The following EXOSC1 variants were observed in gnomAD, a reference collection of about 807,000 sequenced individuals.
EXOSC1 encodes the protein exosome component 1, also known as exosome complex component CSL4.
Under a neutral mutation model 31.4 loss-of-function variants are expected in EXOSC1, and 27 were observed. The ratio of observed to expected loss-of-function variants is 0.86; its 90% CI spans 0.63 to 1.18. EXOSC1 has a LOEUF of 1.18. EXOSC1 is among the 50% of genes most tolerant of loss of function. The probability of loss-of-function intolerance (pLI) is 0.00; values close to 1 mark genes in which losing one functional copy is unlikely to be tolerated. For synonymous variants in EXOSC1, 84 were observed against 89.5 expected (o/e 0.94, Z 0.35); for missense variants, 228 against 250.3 (o/e 0.91, Z 0.60).
chr10:97,438,056 A>C (rs1163867554), intron 5 of EXOSC1, among the ~76,000 whole-genome samples: 1 of 151,400 alleles, frequency 6.6e-6, no homozygotes, highest in Non-Finnish European at 1.5e-5. Flanking sequence ...AGTAGCTGGG[A>C]TTATAGGTGC....
intron 2 of EXOSC1, chr10:97,444,606 T>G (rs942375931): frequency 2.0e-5 from 3 of 152,250 alleles, no homozygotes; most frequent in Non-Finnish European, 4.4e-5. Flanking sequence ...CTGTGTCCTT[T>G]GATAGCAGAA....
chr10:97,436,501 G>A lies in EXOSC1; in HGVS notation c.532C>T (p.His178Tyr), dbSNP rs1403894893. 6.2e-7 allele frequency: 1 copy of A among 1,613,310 alleles called. No homozygotes were observed. The highest frequency in any genetic ancestry group is 1.7e-5 in the Admixed American group (1 of 59,814). The change falls in exon 8 of 8, where the codon CAC becomes TAC. Residue 178 changes from histidine (H) to tyrosine (Y), a missense_variant. His to Tyr is a moderately conservative substitution (Grantham distance 83, BLOSUM62 2). Transcript: ENST00000370902. ...GCTACTTTCCGGAATTCTTTAGTGT[G>A]GGTCTTAGGGCACTGCATCTCACAC... is the stretch of plus-strand genomic sequence containing the variant. Reference protein sequence around the residue: ...SWCEMQCPKTHTKEFRKVARV... With the variant: ...SWCEMQCPKTYTKEFRKVARV...
chr10:97,437,400 G>T, intron 6 of EXOSC1, 125 bp from the exon 7 acceptor site: 1 of 730,026 alleles, frequency 1.4e-6, no homozygotes. Flanking sequence ...AACCAGGCTG[G>T]AGTGCGGTGG....
rs145535562 is a variant in EXOSC1, at chr10:97,443,585, C to T, written c.148-274G>A. Among the ~76,000 whole-genome samples the T allele has an allele frequency of 5.7e-3, 862 of 152,246 alleles. 9 individuals carry two copies. Among genetic ancestry groups the T allele is most frequent in the African/African-American group, 0.02 (813 of 41,542 alleles). On this transcript the variant is annotated intron_variant, in intron 2 of 7. Coordinates refer to ENST00000370902, the MANE Select transcript of EXOSC1 (RefSeq NM_016046.5). ...TCGCCTAGACTGGAGTGCAGTGGCA[C>T]GATCTCGGCTCACTGCAAGGTCCAC...
At position 97,436,212 on chromosome 10, in the gene EXOSC1, A is replaced by G. The variant is rs1366281551; in HGVS notation, c.*233T>C. 2.4e-6 allele frequency: 1 copy of G among 423,716 alleles called. No homozygotes were observed. Among genetic ancestry groups the G allele is most frequent in the Admixed American group, 4.5e-5 (1 of 22,066 alleles). 26.2% of individuals were successfully genotyped at this position (423,716 alleles called of 1,614,324 possible). ...TAAGGACTGTCAGGAGGGATAGGCT[A>G]TTTCCAATATCACAGTTTTGTTTGT... On this transcript the variant is annotated 3_prime_UTR_variant, in exon 8 of 8. Transcript: ENST00000370902.
At chr10:97,436,663 C>T in intron 7 of EXOSC1, 112 bp from the exon 8 acceptor site, 1 of 938,666 alleles carries the variant, frequency 1.1e-6, no homozygotes, top group East Asian at 2.8e-5. Flanking sequence ...TGAACCTCAA[C>T]TCATAAAGAA....
Position 97,436,317 on chromosome 10 carries a change from A to G in EXOSC1, c.*128T>C. The G allele has an allele frequency of 1.4e-6, 1 of 703,432 alleles. No homozygotes were observed. The highest frequency in any genetic ancestry group is 2.6e-6 in the Non-Finnish European group (1 of 391,970). 43.6% of individuals were successfully genotyped at this position (703,432 alleles called of 1,614,324 possible). ...GTTCACAGAAACATGTTCCATCTAC[A>G]GCGTAAACTGGAAGATTTTTCTGGA... On this transcript the variant is annotated 3_prime_UTR_variant, in exon 8 of 8. Coordinates refer to ENST00000370902, the MANE Select transcript of EXOSC1 (RefSeq NM_016046.5).
intron 3 of EXOSC1, 55 bp downstream of exon 3, chr10:97,443,182 T>G: frequency 6.9e-7 from 1 of 1,457,662 alleles, no homozygotes; most frequent in Non-Finnish European, 9.6e-7. Context: ...TCTGGTATGG[T>G]CATGATTTCA....
In EXOSC1 at chr10:97,437,684, T is replaced by C. The variant is rs1227080366; in HGVS notation, c.396+16A>G. 3.1e-6 allele frequency: 5 copies of C among 1,611,996 alleles called. No individual in the cohort carries two copies. The Admixed American group carries it at 8.3e-5, about 27-fold the overall frequency. The stretch of plus-strand genomic sequence containing the variant: ...TTTTGACAAAGGACCAGAAGTCTGC[T>C]GGGAATAAAGGATACCACTTTGGCC... On this transcript the variant is annotated intron_variant, in intron 6 of 7. Coordinates refer to ENST00000370902, the MANE Select transcript of EXOSC1 (RefSeq NM_016046.5).
intron 4 of EXOSC1, 164 bp downstream of exon 4, chr10:97,441,007 A>G: frequency 1.8e-6 from 1 of 552,988 alleles, no homozygotes; most frequent in Non-Finnish European, 3.2e-6. Flanking sequence ...TAGATCATCC[A>G]TGTATTTTTT....
intron 3 of EXOSC1, among the ~76,000 whole-genome samples, chr10:97,441,486 G>T (rs11593703): frequency 0.025 from 3,338 of 133,806 alleles, 119 homozygotes; most frequent in Non-Finnish European, 0.038. Flanking sequence ...GGTGGTATGG[G>T]TTTTTTTTTT....
In EXOSC1 at chr10:97,437,260, C is replaced by T. The variant is rs779588843; in HGVS notation, c.412G>A (p.Ala138Thr). The change falls in exon 7 of 8, where the codon GCA (alanine) becomes ACA (threonine). Residue 138 changes from alanine to threonine, a missense_variant. By Grantham distance (58) the Ala-to-Thr change is moderately conservative. Coordinates refer to ENST00000370902, the MANE Select transcript of EXOSC1 (RefSeq NM_016046.5). ...VLAKVISLGD[A>T]QSNYLLTTAE... is the part of the protein sequence containing the mutation. ...GTGGTTAGCAGGTAGTTGGACTGTG[C>T]ATCACCTAAGGAGATCTAGTCACAT... 3.7e-6 allele frequency: 6 copies of T among 1,614,008 alleles called. No individual in the cohort carries two copies. The South Asian group carries it at 6.6e-5, about 18-fold the overall frequency.
intron 3 of EXOSC1, among the ~76,000 whole-genome samples, chr10:97,441,704 G>A (rs1447026707): frequency 6.7e-6 from 1 of 150,344 alleles, no homozygotes; most frequent in Non-Finnish European, 1.5e-5. Context: ...TGGTCAGGCT[G>A]GTCTCGAACT....
At chr10:97,442,721 T>A (rs992451257) in intron 3 of EXOSC1, among the ~76,000 whole-genome samples, 5 of 152,172 alleles carry the variant, frequency 3.3e-5, no homozygotes, top group Non-Finnish European at 7.3e-5. Context: ...AGTCTCACTC[T>A]GTTGCCCAGG....
chr10:97,437,424 C>T, intron 6 of EXOSC1, 149 bp from the exon 7 acceptor site: 1 of 661,504 alleles, frequency 1.5e-6, no homozygotes, highest in Non-Finnish European at 2.6e-6. Flanking sequence ...GATATCAGTT[C>T]ACAACCTCTG....
chr10:97,439,220 G>A (rs535143908), intron 4 of EXOSC1, among the ~76,000 whole-genome samples: 8 of 152,188 alleles, frequency 5.3e-5, no homozygotes, highest in Non-Finnish European at 1.0e-4. Flanking sequence ...AAGGCAGATC[G>A]GATTTGGCAA....
intron 5 of EXOSC1, 52 bp downstream of exon 5, chr10:97,438,618 T>A: frequency 6.4e-7 from 1 of 1,564,008 alleles, no homozygotes. Context: ...GATAATACTT[T>A]TAAGGGATTG....
intron 5 of EXOSC1, 90 bp downstream of exon 5, chr10:97,438,580 C>G (rs1055350525): frequency 2.2e-5 from 27 of 1,212,662 alleles, no homozygotes; most frequent in Non-Finnish European, 3.0e-5. Flanking sequence ...ACTGGGATTA[C>G]GGGTGTGTGT....
chr10:97,438,604 C>T (rs950322505), intron 5 of EXOSC1, 66 bp downstream of exon 5: 8 of 1,467,322 alleles, frequency 5.5e-6, no homozygotes, highest in Non-Finnish European at 7.6e-6. Context: ...CATGCCTGGC[C>T]TGAGATAATA....
Sources: allele counts gnomAD v4.1 joint callset (sites outside exome capture counted in the v4.1 genomes callset), GRCh38; gene constraint gnomAD v4.1.1; transcripts MANE v1.5; gene names NCBI Gene and HGNC (gene_info 2026-07-23, HGNC 2026-07-21).